SETD5: variants seen among roughly 807,000 people sequenced by gnomAD.
SETD5 encodes histone-lysine N-methyltransferase SETD5.
Under a neutral mutation model 153.3 loss-of-function variants are expected in SETD5, and 44 were observed. The ratio of observed to expected loss-of-function variants is 0.29; its 90% confidence interval spans 0.23 to 0.37. The LOEUF is 0.37. Ranked by LOEUF, SETD5 falls within the 10% of genes least tolerant of loss-of-function variation. The probability of loss-of-function intolerance (pLI) is 1.00; values close to 1 mark genes in which losing one functional copy is unlikely to be tolerated. For synonymous variants in SETD5, 716 were observed against 645.2 expected (o/e 1.11, Z -1.66); for missense variants, 1,544 against 1,768.0 (o/e 0.87, Z 2.27).
intron 16 of SETD5, among the ~76,000 whole-genome samples, chr3:9,450,599 G>A (rs2042508466): frequency 6.6e-6 from 1 of 152,018 alleles, no homozygotes; most frequent in Admixed American, 6.5e-5. Flanking sequence ...TCCTAATATT[G>A]GTTAGAAAGG....
chr3:9,430,104 G>A, intron 3 of SETD5: 1 of 1,035,670 alleles, frequency 9.7e-7, no homozygotes, highest in Non-Finnish European at 1.2e-6. Context: ...CAGTCCCTGG[G>A]GATTCTTCCC....
At chr3:9,411,399 A>G (rs1050380212) in intron 1 of SETD5, among the ~76,000 whole-genome samples, 1 of 152,196 alleles carries the variant, frequency 6.6e-6, no homozygotes, top group Non-Finnish European at 1.5e-5. Context: ...TACCTGTTAA[A>G]TGTTTTATCC....
intron 17 of SETD5, among the ~76,000 whole-genome samples, chr3:9,456,197 A>G (rs1363586749): frequency 4.2e-5 from 6 of 141,430 alleles, no homozygotes; most frequent in Non-Finnish European, 9.0e-5. Context: ...CTCTGAGGCT[A>G]GGCGTTGGTG....
At chr3:9,440,212 TCTTA>T (rs2041102602) in intron 7 of SETD5, among the ~76,000 whole-genome samples, 2 of 152,348 alleles carry the variant, frequency 1.3e-5, no homozygotes, top group Non-Finnish European at 1.5e-5. Context: ...CAGATTAATT[TCTTA>T]CTTTATAAAT....
At chr3:9,443,482 A>T in intron 11 of SETD5, 65 bp downstream of exon 11, 3 of 859,838 alleles carry the variant, frequency 3.5e-6, no homozygotes, top group Non-Finnish European at 4.8e-6. Context: ...TATTCACTCT[A>T]TTTAAAGTCT....
chr3:9,418,165 G>A (rs1431730669), intron 1 of SETD5, among the ~76,000 whole-genome samples: 2 of 151,398 alleles, frequency 1.3e-5, no homozygotes, highest in African/African-American at 4.9e-5. Flanking sequence ...AGCCACGATG[G>A]TCTCGATCTC....
In SETD5 at chr3:9,470,492, G is replaced by A. The variant is rs1053026933; in HGVS notation, c.2758G>A (p.Val920Ile). 1.9e-6 allele frequency: 3 copies of A among 1,613,322 alleles called. No individual in the cohort carries two copies. The highest frequency in any genetic ancestry group is 1.7e-4 in the Middle Eastern group (1 of 6,054). Residue 920 changes from valine to isoleucine, a missense_variant, in exon 19 of 23, where the codon GTA (valine) becomes ATA (isoleucine). By Grantham distance (29) the Val-to-Ile change is conservative. Coordinates refer to ENST00000402198, the MANE Select transcript of SETD5 (RefSeq NM_001080517.3). Reference protein sequence around the residue: ...CHRKDLDLAKVGYLDSNTNSC... With the variant: ...CHRKDLDLAKIGYLDSNTNSC... ...CCGAAAAGACCTGGATTTGGCAAAA[G>A]TAGGATACCTTGACTCCAACACTAA... is the stretch of plus-strand genomic sequence containing the variant.
At chr3:9,425,515 C>A (rs2039048378) in intron 2 of SETD5, among the ~76,000 whole-genome samples, 2 of 150,072 alleles carry the variant, frequency 1.3e-5, no homozygotes, top group South Asian at 4.2e-4. Flanking sequence ...AAAAATTGCT[C>A]TAGGAAAAAT....
intron 3 of SETD5, chr3:9,430,741 GGT>G (rs1678809355): frequency 1.3e-6 from 1 of 770,842 alleles, no homozygotes; most frequent in African/African-American, 1.9e-5. Flanking sequence ...TCTTACAATT[GGT>G]GTTTTCCCCA....
At position 9,406,607 on chromosome 3, in the gene SETD5, C is replaced by CAAAAAAAAAAAAAAAAA. The variant is rs746999028; in HGVS notation, c.-177+8644_-177+8645insAAAAAAAAAAAAAAAAA. ...TGGGCGACAGAGCGAGACTCTGTCT[C>CAAAAAAAAAAAAAAAAA]AAAAAAAAAAAAAAGAATAGATCTG... On this transcript the variant is annotated intron_variant, in intron 1 of 22. Coordinates refer to ENST00000402198, the MANE Select transcript of SETD5 (RefSeq NM_001080517.3). Among the ~76,000 whole-genome samples the CAAAAAAAAAAAAAAAAA allele has an allele frequency of 1.8e-3, 182 of 99,120 alleles. 3 individuals are homozygous for CAAAAAAAAAAAAAAAAA. The highest frequency in any genetic ancestry group is 5.4e-3 in the African/African-American group (138 of 25,324). The allele number at this position is 99,120 out of a possible 152,430, so 65.0% of individuals were successfully genotyped here.
At chr3:9,438,137 T>A (rs1414606552) in intron 7 of SETD5, among the ~76,000 whole-genome samples, 1 of 152,230 alleles carries the variant, frequency 6.6e-6, no homozygotes, top group African/African-American at 2.4e-5. Flanking sequence ...TATCTATCTT[T>A]AAACAGACTT....
rs780263494 is a variant in SETD5, at chr3:9,434,876, A to G, written c.382A>G (p.Ile128Val). ...ACTTCATCGGCGGAAGCAGGACAAC[A>G]TATCAGGTGAGCGGAAGATGGGTTA... ...IRLHRRKQDN[I>V]SGGDSSATES... The change falls in exon 6 of 23, where the codon ATA (isoleucine) becomes GTA (valine). Residue 128 changes from isoleucine (I) to valine (V), a missense_variant. By Grantham distance (29) the Ile-to-Val change is conservative (BLOSUM62 3). This residue lies in a region of SETD5 where 251 missense variants were observed against 326.9 expected (regional missense o/e 0.77). Transcript: ENST00000402198. This position sits in a 1 kb window ranked among gnomAD's most constrained non-coding sequence, Gnocchi z 5.6. 17 of 1,613,312 alleles carry G rather than the reference A, an allele frequency of 1.1e-5. No homozygotes were observed. Among genetic ancestry groups the G allele is most frequent in the South Asian group, 8.8e-5 (8 of 90,886 alleles).
chr3:9,447,595 T>C, intron 14 of SETD5, 91 bp from the exon 15 acceptor site: 1 of 1,364,592 alleles, frequency 7.3e-7, no homozygotes, highest in East Asian at 2.3e-5. Context: ...TTTTCATCAG[T>C]AGACATTCTG....
intron 19 of SETD5, 46 bp downstream of exon 19, chr3:9,470,975 C>A: frequency 3.9e-6 from 4 of 1,019,938 alleles, no homozygotes; most frequent in South Asian, 3.2e-5. Flanking sequence ...GAATGTTAAC[C>A]AAGTAGTTTA....
At chr3:9,463,416 T>C (rs1352632352) in intron 17 of SETD5, among the ~76,000 whole-genome samples, 5 of 152,206 alleles carry the variant, frequency 3.3e-5, no homozygotes, top group Admixed American at 6.5e-5. Context: ...CAGTAGGTAT[T>C]AAATATATAT....
intron 1 of SETD5, among the ~76,000 whole-genome samples, chr3:9,407,495 C>T (rs1488796803): frequency 6.6e-6 from 1 of 152,070 alleles, no homozygotes; most frequent in African/African-American, 2.4e-5. Context: ...AAAGGAATGG[C>T]TGGAAGTTTG....
intron 3 of SETD5, chr3:9,430,454 G>GTTTTT: frequency 1.6e-6 from 1 of 610,006 alleles, no homozygotes; most frequent in African/African-American, 2.0e-5. Flanking sequence ...GTTTTGTTTT[G>GTTTTT]TTTGCATGCA....
intron 10 of SETD5, 171 bp from the exon 11 acceptor site, chr3:9,443,137 C>T (rs768105975): frequency 5.4e-6 from 3 of 555,518 alleles, no homozygotes; most frequent in Non-Finnish European, 9.7e-6. Flanking sequence ...CAAGCCAGTG[C>T]AGTATAATAG....
intron 1 of SETD5, among the ~76,000 whole-genome samples, chr3:9,406,523 G>C (rs1044398478): frequency 1.3e-5 from 2 of 151,312 alleles, no homozygotes; most frequent in African/African-American, 4.9e-5. Flanking sequence ...CAGGAGAATG[G>C]CGTGAACCCG....
Sources: allele counts gnomAD v4.1 joint callset (sites outside exome capture counted in the v4.1 genomes callset), GRCh38; gene constraint gnomAD v4.1.1; regional missense constraint gnomAD v4.1.1; non-coding constraint Gnocchi (gnomAD v3.1); transcripts MANE v1.5; gene names NCBI Gene and HGNC (gene_info 2026-07-23, HGNC 2026-07-21).